Variants in ARMC5 observed in about 807,000 individuals in gnomAD.
ARMC5 encodes the protein armadillo repeat-containing protein 5.
ARMC5 carries 28 observed loss-of-function variants against 60.5 expected under a neutral mutation model. That is an observed-to-expected ratio of 0.46 (90% CI 0.34 to 0.63). The LOEUF is 0.63. Ranked by LOEUF, ARMC5 falls within the 30% of genes least tolerant of loss-of-function variation. The pLI, the probability that ARMC5 is intolerant of heterozygous loss-of-function variation, is 0.01. For missense variants in ARMC5, 1,189 were observed against 1,304.9 expected (o/e 0.91, Z 1.37); for synonymous variants, 680 against 607.3 (o/e 1.12, Z -1.76).
rs772390098 is a variant in ARMC5, at chr16:31,459,690, G to T, written c.166G>T (p.Gly56Trp). ...ALRTRHIKAA[G>W]GIERFRARGG... ...CCGCACGCGCCACATCAAGGCAGCG[G>T]GGGGAATCGAGCGCTTCCGGGCACG... The change falls in exon 1 of 6, where the codon GGG becomes TGG. Residue 56 changes from glycine to tryptophan, a missense_variant. Transcript: ENST00000268314. 2 of 1,572,326 alleles carry T rather than the reference G, an allele frequency of 1.3e-6. No individual in the cohort carries two copies. Among genetic ancestry groups the T allele is most frequent in the South Asian group, 2.3e-5 (2 of 88,400 alleles).
chr16:31,461,057 A>G (rs2142565743), intron 1 of ARMC5, among the ~76,000 whole-genome samples: 1 of 152,320 alleles, frequency 6.6e-6, no homozygotes, highest in South Asian at 2.1e-4. Context: ...CCCATCATTC[A>G]GCTACTATTT....
intron 3 of ARMC5, among the ~76,000 whole-genome samples, chr16:31,463,773 A>G (rs1006338685): frequency 6.6e-6 from 1 of 151,994 alleles, no homozygotes; most frequent in Non-Finnish European, 1.5e-5. Context: ...GCCCCACACT[A>G]ACATAACTCA....
At position 31,462,455 on chromosome 16, in the gene ARMC5, T is replaced by C; in HGVS notation, c.908T>C (p.Leu303Pro). ...PKRAVREGTILILANLCAQGL... is the reference protein window; with the variant it reads ...PKRAVREGTIPILANLCAQGL... ...CGGGCAGTACGCGAGGGAACCATTC[T>C]GATCCTCGCCAACCTGTGTGCCCAG... is the stretch of plus-strand genomic sequence containing the variant. The change falls in exon 3 of 6, where the codon CTG becomes CCG. Residue 303 changes from leucine (L) to proline (P), a missense_variant. Leu to Pro is a moderately conservative substitution (Grantham distance 98, BLOSUM62 -3). Around this residue, in one of 2 missense-constraint regions of ARMC5, gnomAD observed 862 missense variants for 1,071.2 expected, o/e 0.80. Transcript: ENST00000268314. The surrounding 1 kb of genome is among the most constrained non-coding windows in gnomAD (Gnocchi z 7.2). The C allele has an allele frequency of 1.9e-6, 3 of 1,612,716 alleles. No individual in the cohort carries two copies. The highest frequency in any genetic ancestry group is 2.5e-6 in the Non-Finnish European group (3 of 1,179,676).
upstream of ARMC5, chr16:31,458,776 C>T (rs1245619872): frequency 2.7e-6 from 4 of 1,508,992 alleles, no homozygotes; most frequent in East Asian, 2.5e-5. Context: ...CCCCCGCCGC[C>T]CCGCCCCGTC....
Position 31,460,248 on chromosome 16 carries a change from G to A in ARMC5, c.475+249G>A, listed in dbSNP as rs8053773. On this transcript the variant is annotated intron_variant, in intron 1 of 5. Coordinates refer to ENST00000268314, the MANE Select transcript of ARMC5 (RefSeq NM_001105247.2). ...TTGGTTGTTGAGGACTTCTTTCGAA[G>A]CTGGACTAGCGGAGGCCAAAGAGTT... is the stretch of plus-strand genomic sequence containing the variant. The A allele has an allele frequency of 2.4e-3, 1,173 of 496,526 alleles. 18 individuals carry two copies. Among genetic ancestry groups the A allele is most frequent in the African/African-American group, 0.022 (1,084 of 49,048 alleles). The allele number at this position is 496,526 out of a possible 1,614,324, so 30.8% of individuals were successfully genotyped here. A position where few individuals can be genotyped will look rare whatever the true frequency, so the allele number is the denominator to read the frequency against.
upstream of ARMC5, chr16:31,458,456 C>G: frequency 1.3e-6 from 2 of 1,535,724 alleles, no homozygotes; most frequent in East Asian, 4.9e-5. Context: ...TGGTGCTTAA[C>G]CAGATCAGAG....
At chr16:31,460,126 C>A in intron 1 of ARMC5, 127 bp downstream of exon 1, 1 of 1,056,356 alleles carries the variant, frequency 9.5e-7, no homozygotes, top group Non-Finnish European at 1.4e-6. Flanking sequence ...CGCATCGCTC[C>A]TGTTTCTCAA....
upstream of ARMC5, chr16:31,459,484 C>T (rs577563480): frequency 3.0e-5 from 47 of 1,575,058 alleles, no homozygotes; most frequent in Admixed American, 9.3e-5. Context: ...TCCCTGGGAT[C>T]AGCGGCGAGA....
intron 4 of ARMC5, chr16:31,465,267 A>G: frequency 1.2e-5 from 19 of 1,521,558 alleles, no homozygotes; most frequent in Non-Finnish European, 1.7e-5. Flanking sequence ...ACTGCCAGGG[A>G]CTGCCCTGTC....
chr16:31,458,467 C>T, upstream of ARMC5: 1 of 1,535,736 alleles, frequency 6.5e-7, no homozygotes, highest in Non-Finnish European at 8.7e-7. Flanking sequence ...CAGATCAGAG[C>T]CACATCGGAA....
At position 31,466,559 on chromosome 16, in the gene ARMC5, C is replaced by G; in HGVS notation, c.2478C>G (p.Pro826=). 6.2e-7 allele frequency: 1 copy of G among 1,609,060 alleles called. No individual in the cohort carries two copies. The highest frequency in any genetic ancestry group is 8.5e-7 in the Non-Finnish European group (1 of 1,179,396). The part of the protein sequence containing the change: ...ALGPVPPPGQ[P]LLGSEAEEAL... ...GGCCCGTGCCCCCACCAGGCCAGCC[C>G]CTGCTGGGTTCAGAGGCCGAGGAGG... Residue 826 remains proline (P), a synonymous_variant, in exon 6 of 6, where the codon CCC becomes CCG. Transcript: ENST00000268314. This position sits in a 1 kb window ranked among gnomAD's most constrained non-coding sequence, Gnocchi z 8.0.
Position 31,459,857 on chromosome 16 carries a change from C to G in ARMC5, c.333C>G (p.Pro111=). ...CCGCCCCCGCGTCGGGCCCCGCCCC[C>G]TCCGCTGTGTCGTCGTCTAGTCCTA... ...SSPAPASGPA[P]SAVSSSSPTP... The change falls in exon 1 of 6, where the codon CCC becomes CCG. Residue 111 remains proline, a synonymous_variant. Transcript: ENST00000268314. 6.3e-7 allele frequency: 1 copy of G among 1,597,584 alleles called. No homozygotes were observed. The highest frequency in any genetic ancestry group is 2.2e-5 in the East Asian group (1 of 44,546).
At chr16:31,458,832 TGAA>T, upstream of ARMC5, 2 of 1,533,300 alleles carry the variant, frequency 1.3e-6, no homozygotes, top group Non-Finnish European at 1.7e-6. Context: ...GCGCTGCGAG[TGAA>T]GAACTCCCCG....
At chr16:31,458,345 G>C, upstream of ARMC5, 1 of 1,485,584 alleles carries the variant, frequency 6.7e-7, no homozygotes, top group Non-Finnish European at 9.1e-7. Flanking sequence ...GATCAGGTTG[G>C]AGCTGACGCT....
At chr16:31,460,631 T>C (rs1474983662) in intron 1 of ARMC5, among the ~76,000 whole-genome samples, 3 of 152,214 alleles carry the variant, frequency 2.0e-5, no homozygotes, top group Non-Finnish European at 1.5e-5. Context: ...TTTGGGAGGC[T>C]GAGGCGGGAG....
rs767334745 is a variant in ARMC5 at position 31,462,001 on chromosome 16, T to C, written c.555T>C (p.Pro185=). ...CCCTGGGGAACTTAGCCATGGAACC[T>C]GAGAGCTGTGGGGACATCCACTGTG... ...ARALGNLAME[P]ESCGDIHCAG... Residue 185 remains proline (P), a synonymous_variant, in exon 2 of 6, where the codon CCT becomes CCC. Transcript: ENST00000268314. This position sits in a 1 kb window ranked among gnomAD's most constrained non-coding sequence, Gnocchi z 7.2. 6.2e-7 allele frequency: 1 copy of C among 1,614,174 alleles called. No individual in the cohort carries two copies. Among genetic ancestry groups the C allele is most frequent in the African/African-American group, 1.3e-5 (1 of 75,042 alleles).
chr16:31,464,545 G>A lies in ARMC5; in HGVS notation c.1522G>A (p.Gly508Ser), dbSNP rs1272796002. Reference protein sequence around the residue: ...LRAPRTQRTPGRSPAAAIEEP... With the variant: ...LRAPRTQRTPSRSPAAAIEEP... The stretch of plus-strand genomic sequence containing the variant: ...GGCACCACGCACCCAACGCACTCCG[G>A]GCCGCAGCCCCGCCGCCGCCATCGA... Residue 508 changes from glycine (G) to serine (S), a missense_variant, in exon 4 of 6, where the codon GGC becomes AGC. Around this residue, in one of 2 missense-constraint regions of ARMC5, gnomAD observed 862 missense variants for 1,071.2 expected, o/e 0.80. Transcript: ENST00000268314. The surrounding 1 kb of genome is among the most constrained non-coding windows in gnomAD (Gnocchi z 7.6). 1.3e-6 allele frequency: 2 copies of A among 1,588,896 alleles called. No individual in the cohort carries two copies. The highest frequency in any genetic ancestry group is 2.7e-5 in the African/African-American group (2 of 74,388).
intron 3 of ARMC5, among the ~76,000 whole-genome samples, chr16:31,463,843 C>T (rs2082325947): frequency 6.6e-6 from 1 of 152,200 alleles, no homozygotes; most frequent in Admixed American, 6.5e-5. Context: ...GGGGGACAGG[C>T]ACTTTGTTCA....
chr16:31,461,951 A>G lies in ARMC5; in HGVS notation c.505A>G (p.Ser169Gly). 3.1e-6 allele frequency: 5 copies of G among 1,614,220 alleles called. No homozygotes were observed. The highest frequency in any genetic ancestry group is 3.4e-6 in the Non-Finnish European group (4 of 1,180,036). Residue 169 changes from serine to glycine, a missense_variant, in exon 2 of 6, where the codon AGC becomes GGC. Physicochemically the swap from Ser to Gly is moderately conservative, Grantham distance 56. Coordinates refer to ENST00000268314, the MANE Select transcript of ARMC5 (RefSeq NM_001105247.2). ...VTILQCMKTD[S>G]IQNRTARALG... ...CATTCTTCAGTGCATGAAGACAGAC[A>G]GCATCCAGAACCGAACGGCCCGTGC...
Sources: allele counts gnomAD v4.1 joint callset (sites outside exome capture counted in the v4.1 genomes callset), GRCh38; gene constraint gnomAD v4.1.1; regional missense constraint gnomAD v4.1.1; non-coding constraint Gnocchi (gnomAD v3.1); transcripts MANE v1.5; gene names NCBI Gene and HGNC (gene_info 2026-07-23, HGNC 2026-07-21).